The following LURAP1L variants were observed in gnomAD, a reference collection of about 807,000 sequenced individuals.
LURAP1L encodes the protein leucine rich adaptor protein 1-like.
In LURAP1L, 12 loss-of-function variants were observed where a neutral mutation model predicts 13.8. The ratio of observed to expected loss-of-function variants is 0.87; its 90% CI spans 0.56 to 1.41. LURAP1L has a LOEUF of 1.41. LURAP1L is among the 40% of genes most tolerant of loss of function. The pLI is 0.00. For synonymous variants in LURAP1L, 139 were observed against 119.2 expected, an observed-to-expected ratio of 1.17 and a Z score of -1.08; for missense variants, 375 against 292.9, an observed-to-expected ratio of 1.28 and a Z score of -2.04.
intron 1 of LURAP1L, among the ~76,000 whole-genome samples, chr9:12,779,509 C>A (rs947621615): frequency 6.6e-6 from 1 of 152,060 alleles, no homozygotes; most frequent in Admixed American, 6.5e-5. Context: ...CTCCTGACCT[C>A]GTGATCCGCC....
At chr9:12,792,989 T>C (rs1309380028) in intron 1 of LURAP1L, among the ~76,000 whole-genome samples, 1 of 152,058 alleles carries the variant, frequency 6.6e-6, no homozygotes, top group African/African-American at 2.4e-5. Context: ...AAGAGATTTA[T>C]GGTCTCTATA....
chr9:12,777,534 T>G, intron 1 of LURAP1L: 1 of 978,388 alleles, frequency 1.0e-6, no homozygotes, highest in Non-Finnish European at 1.2e-6. Context: ...CCATGGAATG[T>G]TAATATATTC....
At chr9:12,805,696 T>C (rs1187869727) in intron 1 of LURAP1L, among the ~76,000 whole-genome samples, 1 of 152,236 alleles carries the variant, frequency 6.6e-6, no homozygotes, top group African/African-American at 2.4e-5. Flanking sequence ...ACCAGATTGC[T>C]AATTATTGTC....
At chr9:12,796,109 TAAAC>T (rs1385018225) in intron 1 of LURAP1L, among the ~76,000 whole-genome samples, 1 of 152,046 alleles carries the variant, frequency 6.6e-6, no homozygotes, top group African/African-American at 2.4e-5. Context: ...TGATGTTTCC[TAAAC>T]AAAGATTTAA....
chr9:12,811,592 A>G (rs1331852151), intron 1 of LURAP1L, among the ~76,000 whole-genome samples: 2 of 152,130 alleles, frequency 1.3e-5, no homozygotes, highest in African/African-American at 4.8e-5. Context: ...CTTTTATTCA[A>G]ACTACAAAGC....
chr9:12,818,090 C>T lies in LURAP1L; in HGVS notation c.313-3296C>T, dbSNP rs111524900. 2.6e-3 allele frequency among the ~76,000 whole-genome samples: 394 copies of T among 150,982 alleles called. 3 individuals are homozygous for T. The highest frequency in any genetic ancestry group is 9.2e-3 in the African/African-American group (377 of 41,102). On this transcript the variant is annotated intron_variant, in intron 1 of 1. Coordinates refer to ENST00000319264, the MANE Select transcript of LURAP1L (RefSeq NM_203403.2). ...TGACTTGCTTGTGTCGTTTTTTTCC[C>T]CAACAGTAGTTCAATGGCCTGTGAA...
chr9:12,822,057 T>C lies in LURAP1L; in HGVS notation c.*297T>C, dbSNP rs1443973130. The C allele has an allele frequency of 1.1e-5, 3 of 271,816 alleles. No individual in the cohort carries two copies. The highest frequency in any genetic ancestry group is 2.1e-5 in the Non-Finnish European group (3 of 144,486). The allele number at this position is 271,816 out of a possible 1,614,324, so 16.8% of individuals were successfully genotyped here. A position where few individuals can be genotyped will look rare whatever the true frequency, so the allele number is the denominator to read the frequency against. On this transcript the variant is annotated 3_prime_UTR_variant, in exon 2 of 2. Transcript: ENST00000319264. The stretch of plus-strand genomic sequence containing the variant: ...AATAATTATGTTTTTGCTTTTGTTT[T>C]CAGAGCAATGGGTCAGGGATTACAA...
chr9:12,788,207 A>AAAAGC (rs879820716), intron 1 of LURAP1L, among the ~76,000 whole-genome samples: 7,486 of 131,222 alleles, frequency 0.057, 507 homozygotes, highest in East Asian at 0.33. Context: ...AAAAGAAAAG[A>AAAAGC]AAAGCTCAAT....
intron 1 of LURAP1L, among the ~76,000 whole-genome samples, chr9:12,801,417 T>C (rs891125117): frequency 6.6e-6 from 1 of 152,048 alleles, no homozygotes; most frequent in Non-Finnish European, 1.5e-5. Flanking sequence ...AGTTCCTTAT[T>C]ATGGAGCTCC....
At chr9:12,784,509 T>C (rs1819322354) in intron 1 of LURAP1L, among the ~76,000 whole-genome samples, 1 of 152,196 alleles carries the variant, frequency 6.6e-6, no homozygotes, top group Non-Finnish European at 1.5e-5. Flanking sequence ...GATTACCAAA[T>C]AGAGACTCTT....
intron 1 of LURAP1L, among the ~76,000 whole-genome samples, chr9:12,816,428 G>A (rs1399641272): frequency 6.6e-6 from 1 of 152,122 alleles, no homozygotes; most frequent in Non-Finnish European, 1.5e-5. Flanking sequence ...TTCCCCAAAG[G>A]TCAAATAGGA....
chr9:12,785,084 T>A (rs1819331030), intron 1 of LURAP1L, among the ~76,000 whole-genome samples: 1 of 151,996 alleles, frequency 6.6e-6, no homozygotes, highest in Admixed American at 6.5e-5. Flanking sequence ...TGGTGAATCT[T>A]GCCAGGCCTG....
chr9:12,808,361 C>T (rs1819689561), intron 1 of LURAP1L, among the ~76,000 whole-genome samples: 1 of 152,020 alleles, frequency 6.6e-6, no homozygotes, highest in African/African-American at 2.4e-5. Context: ...ATAAAATATA[C>T]TATTTTAACC....
intron 1 of LURAP1L, among the ~76,000 whole-genome samples, chr9:12,820,240 C>T (rs1003564627): frequency 5.3e-5 from 8 of 151,852 alleles, no homozygotes; most frequent in Admixed American, 1.3e-4. Context: ...AGCAGTGGCT[C>T]ACGCCTGTAA....
intron 1 of LURAP1L, among the ~76,000 whole-genome samples, chr9:12,807,421 A>G (rs1010709738): frequency 2.0e-5 from 3 of 152,204 alleles, no homozygotes; most frequent in Admixed American, 2.0e-4. Context: ...CAGGCAACAC[A>G]GTTTGAAGGA....
chr9:12,780,396 A>C, intron 1 of LURAP1L, among the ~76,000 whole-genome samples: 1 of 17,334 alleles, frequency 5.8e-5, no homozygotes, highest in East Asian at 1.9e-3. Flanking sequence ...ATATTTCAAA[A>C]GTCTCGATCT....
rs923129781 is a variant in LURAP1L at position 12,822,639 on chromosome 9, A to G, written c.*879A>G. Among the ~76,000 whole-genome samples the G allele has an allele frequency of 1.3e-5, 2 of 152,212 alleles. No homozygotes were observed. The highest frequency in any genetic ancestry group is 6.5e-5 in the Admixed American group (1 of 15,276). ...CAGATAAATATCCCGATAGCCTACT[A>G]TCAGCATCCTACTACTGCTTCCCTA... On this transcript the variant is annotated 3_prime_UTR_variant, in exon 2 of 2. Coordinates refer to ENST00000319264, the MANE Select transcript of LURAP1L (RefSeq NM_203403.2).
chr9:12,801,606 C>T (rs1386916356), intron 1 of LURAP1L, among the ~76,000 whole-genome samples: 1 of 151,984 alleles, frequency 6.6e-6, no homozygotes, highest in Non-Finnish European at 1.5e-5. Flanking sequence ...TTTAAATGGA[C>T]AAATGATAAA....
chr9:12,785,960 TC>T (rs1363029177), intron 1 of LURAP1L, among the ~76,000 whole-genome samples: 5 of 152,224 alleles, frequency 3.3e-5, no homozygotes, highest in Admixed American at 3.3e-4. Flanking sequence ...TTCTCTCAGA[TC>T]TTTTTTCATG....
Sources: allele counts gnomAD v4.1 joint callset (sites outside exome capture counted in the v4.1 genomes callset), GRCh38; gene constraint gnomAD v4.1.1; transcripts MANE v1.5; gene names NCBI Gene and HGNC (gene_info 2026-07-23, HGNC 2026-07-21).